The following RAD21 variants were observed in gnomAD, a reference collection of about 807,000 sequenced individuals.
The protein encoded by RAD21 is double-strand-break repair protein rad21 homolog.
RAD21 carries 18 observed loss-of-function variants against 71.5 expected under a neutral mutation model. The ratio of observed to expected loss-of-function variants is 0.25; its 90% CI spans 0.17 to 0.37. The LOEUF (loss-of-function observed/expected upper bound fraction) is 0.37. RAD21 is among the 10% of genes least tolerant of loss of function. The pLI is 1.00. For synonymous variants in RAD21, 248 were observed against 254.0 expected (o/e 0.98, Z 0.22); for missense variants, 493 against 769.1 (o/e 0.64, Z 4.25).
At chr8:116,862,060 G>T in intron 3 of RAD21, 120 bp from the exon 4 acceptor site, 1 of 668,560 alleles carries the variant, frequency 1.5e-6, no homozygotes, top group Non-Finnish European at 2.6e-6. Context: ...GATAACATAT[G>T]CAAAATACCT....
At chr8:116,871,153 G>A (rs1812814820) in intron 1 of RAD21, among the ~76,000 whole-genome samples, 1 of 152,144 alleles carries the variant, frequency 6.6e-6, no homozygotes, top group Non-Finnish European at 1.5e-5. Flanking sequence ...AATTATAATT[G>A]CCTTTTAAGC....
intron 4 of RAD21, 121 bp from the exon 5 acceptor site, chr8:116,858,579 C>T (rs944220507): frequency 9.3e-6 from 6 of 642,126 alleles, no homozygotes; most frequent in Non-Finnish European, 1.6e-5. Context: ...GTTTTAGAAG[C>T]CTTAATATTT....
intron 6 of RAD21, among the ~76,000 whole-genome samples, 191 bp from the exon 7 acceptor site, chr8:116,856,962 T>A (rs529540619): frequency 4.6e-5 from 7 of 150,620 alleles, no homozygotes; most frequent in South Asian, 2.1e-4. Context: ...TTCTCATTCT[T>A]CATTTGTATT....
chr8:116,855,338 A>T (rs1812439494), intron 8 of RAD21, among the ~76,000 whole-genome samples: 1 of 152,098 alleles, frequency 6.6e-6, no homozygotes, highest in African/African-American at 2.4e-5. Context: ...GTCCTCATAA[A>T]CCATCTAGAA....
Position 116,857,369 on chromosome 8 carries a change from C to G in RAD21, c.586G>C (p.Glu196Gln). 1 of 1,613,044 alleles carries G rather than the reference C, an allele frequency of 6.2e-7. No homozygotes were observed. Among genetic ancestry groups the G allele is most frequent in the Non-Finnish European group, 8.5e-7 (1 of 1,179,596 alleles). ...TCATTCAGATTGCTGGTGCTCTGTT[C>G]AGACTCTAATAGGAGGTTAGAAGTA... is the stretch of plus-strand genomic sequence containing the variant. The part of the protein sequence containing the change: ...TTTSNLLLES[E>Q]QSTSNLNEKI... Residue 196 changes from glutamate (E) to glutamine (Q), a missense_variant, in exon 6 of 14, where the codon GAA (glutamate) becomes CAA (glutamine). Coordinates refer to ENST00000297338, the MANE Select transcript of RAD21 (RefSeq NM_006265.3).
intron 13 of RAD21, among the ~76,000 whole-genome samples, chr8:116,848,329 G>T (rs1812285280): frequency 6.6e-6 from 1 of 152,142 alleles, no homozygotes; most frequent in Non-Finnish European, 1.5e-5. Flanking sequence ...CAAGAAACCA[G>T]CAAAATTGTT....
Position 116,849,134 on chromosome 8 carries a change from T to C in RAD21, c.1621-105A>G, listed in dbSNP as rs546325102. 3.4e-5 allele frequency: 25 copies of C among 730,904 alleles called. No homozygotes were observed. In the South Asian group the frequency reaches 7.7e-4, roughly 22 times the overall value. 45.3% of individuals were successfully genotyped at this position (730,904 alleles called of 1,614,324 possible). ...CTAAATTACCTTGAGATTGTGTATT[T>C]TGAACTAATAGAAAACTGTACTTAA... is the stretch of plus-strand genomic sequence containing the variant. On this transcript the variant is annotated intron_variant, in intron 12 of 13. Coordinates refer to ENST00000297338, the MANE Select transcript of RAD21 (RefSeq NM_006265.3).
intron 3 of RAD21, among the ~76,000 whole-genome samples, chr8:116,862,173 C>T (rs181845525): frequency 6.6e-5 from 10 of 152,062 alleles, no homozygotes; most frequent in African/African-American, 1.9e-4. Context: ...AATGTTTAAA[C>T]GGACATATCA....
Position 116,866,741 on chromosome 8 carries a change from G to T in RAD21, c.-12C>A. On this transcript the variant is annotated 5_prime_UTR_variant, in exon 2 of 14. Coordinates refer to ENST00000297338, the MANE Select transcript of RAD21 (RefSeq NM_006265.3). ...TGTGCGTAGAACATTGTTCTGGCTGGCTATGAAAACAGAAGAAAACCTAAG... is the reference window on the plus strand; with the variant it reads ...TGTGCGTAGAACATTGTTCTGGCTGTCTATGAAAACAGAAGAAAACCTAAG... The T allele has an allele frequency of 6.3e-7, 1 of 1,586,948 alleles. No individual in the cohort carries two copies. Among genetic ancestry groups the T allele is most frequent in the Non-Finnish European group, 8.6e-7 (1 of 1,167,790 alleles).
chr8:116,851,290 T>G (rs1489008677), intron 11 of RAD21: 1 of 152,366 alleles, frequency 6.6e-6, no homozygotes, highest in African/African-American at 2.4e-5. Flanking sequence ...ACTGTGTTCC[T>G]ATTCCTGAGC....
At position 116,865,685 on chromosome 8, in the gene RAD21, T is replaced by C. The variant is rs572579481; in HGVS notation, c.144+901A>G. 2.0e-5 allele frequency among the ~76,000 whole-genome samples: 3 copies of C among 152,278 alleles called. No homozygotes were observed. In the South Asian group the frequency reaches 6.2e-4, roughly 32 times the overall value. On this transcript the variant is annotated intron_variant, in intron 2 of 13. Coordinates refer to ENST00000297338, the MANE Select transcript of RAD21 (RefSeq NM_006265.3). ...AATAAAACAACCTGTAATCCTACCATCTACAGAAATCTGTAATAATCTTTT... is the reference window on the plus strand; with the variant it reads ...AATAAAACAACCTGTAATCCTACCACCTACAGAAATCTGTAATAATCTTTT...
intron 13 of RAD21, 53 bp from the exon 14 acceptor site, chr8:116,847,744 C>T (rs1812275755): frequency 9.6e-6 from 14 of 1,454,762 alleles, no homozygotes; most frequent in Admixed American, 4.0e-5. Context: ...AGTAGTAATT[C>T]AGTGAGGATG....
Position 116,856,684 on chromosome 8 carries a change from G to GGCT in RAD21, c.773_775dup (p.Gln258dup). Reference sequence around the variant, plus strand: ...ATCCTCATCCATATCGTCATGTGCAGGCTGCTCTGGCAACATCACCCCTGC... The same window carrying GGCT: ...ATCCTCATCCATATCGTCATGTGCAGGCTGCTGCTCTGGCAACATCACCCCTGC... On this transcript the variant is annotated inframe_insertion, in exon 7 of 14. Transcript: ENST00000297338. 6.3e-7 allele frequency: 1 copy of GGCT among 1,595,804 alleles called. No homozygotes were observed. Among genetic ancestry groups the GGCT allele is most frequent in the South Asian group, 1.1e-5 (1 of 88,374 alleles).
chr8:116,853,016 C>CA (rs1487184883), intron 9 of RAD21, among the ~76,000 whole-genome samples: 4 of 152,184 alleles, frequency 2.6e-5, no homozygotes, highest in Non-Finnish European at 1.5e-5. Flanking sequence ...TAACTGGTCT[C>CA]ATACAAAATA....
chr8:116,857,483 T>G lies in RAD21; in HGVS notation c.482-10A>C. On this transcript the variant is annotated splice_polypyrimidine_tract_variant and intron_variant, in intron 5 of 13. Transcript: ENST00000297338. ...TCCATTCCAAAATCACCTAAACAAA[T>G]TTTAATTTGTCATTAGTTTAGAAAG... 6.2e-7 allele frequency: 1 copy of G among 1,606,830 alleles called. No individual in the cohort carries two copies. Among genetic ancestry groups the G allele is most frequent in the South Asian group, 1.1e-5 (1 of 90,686 alleles).
At chr8:116,865,853 C>T (rs1374495841) in intron 2 of RAD21, among the ~76,000 whole-genome samples, 1 of 152,074 alleles carries the variant, frequency 6.6e-6, no homozygotes. Context: ...CTTATAAACA[C>T]CCCCTTCCTC....
chr8:116,864,993 T>C (rs1490787899), intron 2 of RAD21, among the ~76,000 whole-genome samples: 4 of 152,104 alleles, frequency 2.6e-5, no homozygotes, highest in African/African-American at 7.2e-5. Flanking sequence ...GTGACACTTA[T>C]GCTAAACAAC....
At position 116,849,019 on chromosome 8, in the gene RAD21, G is replaced by A. The variant is rs143363239; in HGVS notation, c.1631C>T (p.Ala544Val). Residue 544 changes from alanine (A) to valine (V), a missense_variant, in exon 13 of 14, where the codon GCA (alanine) becomes GTA (valine). By Grantham distance (64) the Ala-to-Val change is moderately conservative. Around this residue, in one of 5 missense-constraint regions of RAD21, gnomAD observed 225 missense variants for 218.3 expected, o/e 1.03. Transcript: ENST00000297338. ...EDDEEEEDEDASGGDQDQEER... is the reference protein window; with the variant it reads ...EDDEEEEDEDVSGGDQDQEER... Reference sequence around the variant, plus strand: ...TTCCTGATCTTGATCGCCCCCTGATGCATCTTCATCCTGAATAAAAATGAC... The same window carrying A: ...TTCCTGATCTTGATCGCCCCCTGATACATCTTCATCCTGAATAAAAATGAC... 224 of 1,590,874 alleles carry A rather than the reference G, an allele frequency of 1.4e-4. 1 individual carries two copies. The highest frequency in any genetic ancestry group is 1.8e-4 in the Non-Finnish European group (213 of 1,169,614).
chr8:116,847,434 C>T lies in RAD21; in HGVS notation c.*66G>A. On this transcript the variant is annotated 3_prime_UTR_variant, in exon 14 of 14. Transcript: ENST00000297338. ...AAGTTTTCTCAAAGGGTTCTGTGTC[C>T]CCTACACATGGGGGCAATTTGTAAG... 1.4e-6 allele frequency: 2 copies of T among 1,383,144 alleles called. No individual in the cohort carries two copies. Among genetic ancestry groups the T allele is most frequent in the Non-Finnish European group, 2.0e-6 (2 of 1,016,960 alleles). 85.7% of individuals were successfully genotyped at this position (1,383,144 alleles called of 1,614,324 possible). A position where few individuals can be genotyped will look rare whatever the true frequency, so the allele number is the denominator to read the frequency against.
Sources: allele counts gnomAD v4.1 joint callset (sites outside exome capture counted in the v4.1 genomes callset), GRCh38; gene constraint gnomAD v4.1.1; regional missense constraint gnomAD v4.1.1; transcripts MANE v1.5; gene names NCBI Gene and HGNC (gene_info 2026-07-23, HGNC 2026-07-21).